PPP6R3: variants seen among roughly 807,000 people sequenced by gnomAD.
PPP6R3 encodes the protein protein phosphatase 6 regulatory subunit 3.
In PPP6R3, 38 loss-of-function variants were observed where a neutral mutation model predicts 110.7. The observed-to-expected ratio is 0.34, with a 90% confidence interval of 0.26 to 0.45. PPP6R3 has a LOEUF of 0.45. Ranked by LOEUF, PPP6R3 falls within the 20% of genes least tolerant of loss-of-function variation. The pLI is 1.00. For missense variants in PPP6R3, 870 were observed against 1,062.4 expected, an observed-to-expected ratio of 0.82 and a Z score of 2.52; for synonymous variants, 369 against 373.5, an observed-to-expected ratio of 0.99 and a Z score of 0.14.
At chr11:68,482,625 T>A (rs1206545085) in intron 1 of PPP6R3, among the ~76,000 whole-genome samples, 2 of 152,158 alleles carry the variant, frequency 1.3e-5, no homozygotes. Context: ...TAAACTTTTT[T>A]ATTCAACTGA....
intron 1 of PPP6R3, among the ~76,000 whole-genome samples, chr11:68,478,244 G>A (rs1218491054): frequency 1.3e-5 from 2 of 150,812 alleles, no homozygotes; most frequent in Non-Finnish European, 3.0e-5. Flanking sequence ...TGCCGCGCCC[G>A]GCCCAGGCTG....
At chr11:68,575,851 T>C (rs2099528977) in intron 13 of PPP6R3, 107 bp from the exon 14 acceptor site, 1 of 714,222 alleles carries the variant, frequency 1.4e-6, no homozygotes, top group South Asian at 1.8e-5. Context: ...CTGCTCACCA[T>C]TGATGAACCA....
intron 1 of PPP6R3, among the ~76,000 whole-genome samples, chr11:68,473,523 A>G (rs1265670955): frequency 6.6e-6 from 1 of 152,238 alleles, no homozygotes; most frequent in Non-Finnish European, 1.5e-5. Context: ...AAACCCAAGA[A>G]GTGGGTTATG....
chr11:68,588,890 C>T (rs145471173), intron 16 of PPP6R3, among the ~76,000 whole-genome samples: 3 of 152,014 alleles, frequency 2.0e-5, no homozygotes, highest in East Asian at 1.9e-4. Flanking sequence ...TAGCTCTTAA[C>T]GTTAAATAGT....
intron 2 of PPP6R3, among the ~76,000 whole-genome samples, chr11:68,529,184 A>G (rs2153610955): frequency 6.6e-6 from 1 of 152,240 alleles, no homozygotes; most frequent in South Asian, 2.1e-4. Flanking sequence ...ATAAAATGAA[A>G]TCAATTCTCA....
intron 1 of PPP6R3, among the ~76,000 whole-genome samples, chr11:68,486,062 A>C (rs1242638803): frequency 1.3e-5 from 2 of 151,818 alleles, no homozygotes. Context: ...ACTCAAAAAG[A>C]GTCTCAAAAA....
intron 1 of PPP6R3, among the ~76,000 whole-genome samples, chr11:68,478,925 G>A (rs1300745476): frequency 6.6e-6 from 1 of 151,940 alleles, no homozygotes; most frequent in Non-Finnish European, 1.5e-5. Context: ...CAGAGTGCTG[G>A]GATTACAGGC....
At chr11:68,589,561 T>C (rs575196246) in intron 16 of PPP6R3, among the ~76,000 whole-genome samples, 2 of 152,346 alleles carry the variant, frequency 1.3e-5, no homozygotes, top group South Asian at 2.1e-4. Context: ...GTAGATATTA[T>C]AGCTCATTGA....
chr11:68,477,741 A>AAAAAT, intron 1 of PPP6R3, among the ~76,000 whole-genome samples: 20 of 57,902 alleles, frequency 3.5e-4, no homozygotes, highest in East Asian at 8.8e-4. Flanking sequence ...AAAAAAAAAA[A>AAAAAT]ATATATATAT....
At chr11:68,489,685 A>C (rs1213024131) in intron 1 of PPP6R3, among the ~76,000 whole-genome samples, 1 of 151,916 alleles carries the variant, frequency 6.6e-6, no homozygotes, top group East Asian at 1.9e-4. Context: ...TTTATTGGTA[A>C]AATACTTATA....
chr11:68,496,546 C>A (rs1047444381), intron 1 of PPP6R3, among the ~76,000 whole-genome samples: 1 of 151,956 alleles, frequency 6.6e-6, no homozygotes, highest in Admixed American at 6.6e-5. Flanking sequence ...AATCTCAGCT[C>A]GCTGCAACCT....
intron 2 of PPP6R3, among the ~76,000 whole-genome samples, chr11:68,527,839 C>T (rs1211035982): frequency 6.6e-6 from 1 of 152,208 alleles, no homozygotes; most frequent in Non-Finnish European, 1.5e-5. Context: ...TCAGGGCCTT[C>T]TCACTGCTGT....
At chr11:68,599,432 A>C (rs1477739321) in intron 19 of PPP6R3, among the ~76,000 whole-genome samples, 1 of 152,236 alleles carries the variant, frequency 6.6e-6, no homozygotes, top group African/African-American at 2.4e-5. Context: ...CACAGACCGT[A>C]AGTGTGCTCA....
chr11:68,550,673 A>T (rs1209298394), intron 5 of PPP6R3, among the ~76,000 whole-genome samples: 1 of 152,050 alleles, frequency 6.6e-6, no homozygotes, highest in Non-Finnish European at 1.5e-5. Flanking sequence ...CCATTTGTTC[A>T]TCCTGTGTTT....
At chr11:68,585,485 T>C (rs2099575357) in intron 15 of PPP6R3, among the ~76,000 whole-genome samples, 1 of 152,262 alleles carries the variant, frequency 6.6e-6, no homozygotes, top group African/African-American at 2.4e-5. Context: ...ATGACAGTAC[T>C]AGGAAAGTGT....
chr11:68,608,550 A>G (rs1276037435), intron 22 of PPP6R3, among the ~76,000 whole-genome samples: 1 of 152,172 alleles, frequency 6.6e-6, no homozygotes. Flanking sequence ...CCTGGGTGTC[A>G]AGTACTGAGA....
At chr11:68,593,865 A>G (rs1174711370) in intron 18 of PPP6R3, among the ~76,000 whole-genome samples, 1 of 152,126 alleles carries the variant, frequency 6.6e-6, no homozygotes, top group African/African-American at 2.4e-5. Context: ...CAAAAAATAC[A>G]AAAATTAGCT....
chr11:68,615,161 CT>C lies in PPP6R3; in HGVS notation c.*2048del, dbSNP rs1337806613. The C allele has an allele frequency of 2.2e-6, 1 of 448,746 alleles. No homozygotes were observed. Among genetic ancestry groups the C allele is most frequent in the Non-Finnish European group, 4.5e-6 (1 of 221,534 alleles). 27.8% of individuals were successfully genotyped at this position (448,746 alleles called of 1,614,324 possible). ...GGATATGACAATGGGGAGGACAGTT[CT>C]TTTGGAGGTTGGAGGGGCCAAGCCA... On this transcript the variant is annotated 3_prime_UTR_variant, in exon 24 of 24. Coordinates refer to ENST00000393800, the MANE Select transcript of PPP6R3 (RefSeq NM_001164161.2).
chr11:68,556,055 A>T (rs140806882), intron 7 of PPP6R3, among the ~76,000 whole-genome samples: 1 of 152,240 alleles, frequency 6.6e-6, no homozygotes, highest in Non-Finnish European at 1.5e-5. Context: ...AATATGTAAT[A>T]TCTATTTGAT....
Sources: allele counts gnomAD v4.1 joint callset (sites outside exome capture counted in the v4.1 genomes callset), GRCh38; gene constraint gnomAD v4.1.1; transcripts MANE v1.5; gene names NCBI Gene and HGNC (gene_info 2026-07-23, HGNC 2026-07-21).